ITGA4: variants seen among roughly 807,000 people sequenced by gnomAD.
The protein encoded by ITGA4 is integrin subunit alpha 4.
ITGA4 carries 63 observed loss-of-function variants against 133.6 expected under a neutral mutation model. That is an observed-to-expected ratio of 0.47 (90% CI 0.38 to 0.58). ITGA4 has a LOEUF of 0.58. Among genes scored for constraint, ITGA4 ranks in the 20% least tolerant of loss-of-function variants. The pLI is 0.00. For synonymous variants in ITGA4, 483 were observed against 438.0 expected (o/e 1.10, Z -1.28); for missense variants, 1,076 against 1,252.7 (o/e 0.86, Z 2.13).
chr2:181,503,499 C>T (rs948583623), intron 15 of ITGA4, among the ~76,000 whole-genome samples: 2 of 149,544 alleles, frequency 1.3e-5, no homozygotes, highest in Admixed American at 6.7e-5. Context: ...GAGTATCACA[C>T]AGGATTACTT....
Position 181,525,332 on chromosome 2 carries a change from T to C in ITGA4, c.2339+41T>C, listed in dbSNP as rs764796446. 5 of 1,071,888 alleles carry C rather than the reference T, an allele frequency of 4.7e-6. No individual in the cohort carries two copies. In the African/African-American group the frequency reaches 7.9e-5, roughly 17 times the overall value. The allele number at this position is 1,071,888 out of a possible 1,614,324, so 66.4% of individuals were successfully genotyped here. A position where few individuals can be genotyped will look rare whatever the true frequency, so the allele number is the denominator to read the frequency against. ...GGCTTCCTTTCAAATTTAGAGCTGA[T>C]TTACAGTTTCCTTGCTTCTTACATT... is the stretch of plus-strand genomic sequence containing the variant. On this transcript the variant is annotated intron_variant, in intron 21 of 27. Transcript: ENST00000397033.
At chr2:181,459,056 A>G (rs1685204545) in intron 2 of ITGA4, 1 of 152,304 alleles carries the variant, frequency 6.6e-6, no homozygotes, top group Non-Finnish European at 1.5e-5. Context: ...ATATTAAATA[A>G]CAAGACCTAT....
rs998410004 is a variant in ITGA4, at chr2:181,537,375, C to T, written c.*1848C>T. 20 of 453,804 alleles carry T rather than the reference C, an allele frequency of 4.4e-5. No homozygotes were observed. The Admixed American group carries it at 4.7e-4, about 11-fold the overall frequency. The allele number at this position is 453,804 out of a possible 1,614,324, so 28.1% of individuals were successfully genotyped here. On this transcript the variant is annotated 3_prime_UTR_variant, in exon 28 of 28. Coordinates refer to ENST00000397033, the MANE Select transcript of ITGA4 (RefSeq NM_000885.6). Reference sequence around the variant, plus strand: ...CTCAGATACAAGGGGAACACAATTACATATTGGGCTAGATTTTGCCCAGTT... The same window carrying T: ...CTCAGATACAAGGGGAACACAATTATATATTGGGCTAGATTTTGCCCAGTT...
intron 4 of ITGA4, among the ~76,000 whole-genome samples, chr2:181,477,649 C>T (rs976022496): frequency 1.3e-5 from 2 of 152,104 alleles, no homozygotes; most frequent in African/African-American, 2.4e-5. Context: ...TATGAAATAT[C>T]ACTTCACACC....
chr2:181,458,601 G>A (rs1685192105), intron 2 of ITGA4: 1 of 415,244 alleles, frequency 2.4e-6, no homozygotes, highest in South Asian at 2.6e-5. Flanking sequence ...CCGTCTCTCC[G>A]TGTGTAAAGC....
intron 9 of ITGA4, 107 bp downstream of exon 9, chr2:181,482,758 A>G (rs1574387755): frequency 9.6e-7 from 1 of 1,044,054 alleles, no homozygotes; most frequent in East Asian, 2.4e-5. Flanking sequence ...TTTTATTGAC[A>G]AAAGTTAAAA....
At chr2:181,471,487 C>T (rs1385254436) in intron 2 of ITGA4, among the ~76,000 whole-genome samples, 3 of 152,154 alleles carry the variant, frequency 2.0e-5, no homozygotes, top group South Asian at 2.1e-4. Flanking sequence ...TCTGAGTGAT[C>T]GCATCCTGTG....
rs538208494 is a variant in ITGA4 at position 181,526,821 on chromosome 2, C to CTTTTTTTTTTTTTTTTTTTTT, written c.2340-464_2340-444dup. ...TGTCACCCAGGTCAGAGCACATGGC[C>CTTTTTTTTTTTTTTTTTTTTT]TTTTTTTTTTTTTTTTTTTTTTTTT... On this transcript the variant is annotated intron_variant, in intron 21 of 27. Coordinates refer to ENST00000397033, the MANE Select transcript of ITGA4 (RefSeq NM_000885.6). Among the ~76,000 whole-genome samples the CTTTTTTTTTTTTTTTTTTTTT allele has an allele frequency of 5.1e-4, 21 of 40,998 alleles. 6 individuals carry two copies. The highest frequency in any genetic ancestry group is 3.2e-3 in the South Asian group (2 of 628). The allele number at this position is 40,998 out of a possible 152,430, so 26.9% of individuals were successfully genotyped here.
At chr2:181,489,988 T>A (rs985623132) in intron 10 of ITGA4, among the ~76,000 whole-genome samples, 1 of 152,038 alleles carries the variant, frequency 6.6e-6, no homozygotes, top group African/African-American at 2.4e-5. Context: ...GGCTCACAAC[T>A]CTAAGGGGGT....
chr2:181,535,544 G>T lies in ITGA4; in HGVS notation c.*17G>T. 6.3e-7 allele frequency: 1 copy of T among 1,585,012 alleles called. No homozygotes were observed. On this transcript the variant is annotated 3_prime_UTR_variant, in exon 28 of 28. Transcript: ENST00000397033. ...GATGATTAAGGACTTCTTTCAAATT[G>T]AGAGAATGGAAAACAGACTCAGGTT...
upstream of ITGA4, chr2:181,457,318 C>A (rs886989616): frequency 1.5e-5 from 4 of 261,784 alleles, no homozygotes; most frequent in Admixed American, 2.4e-4. Context: ...CGCGCGTAGG[C>A]AGAGACGGAG....
At chr2:181,512,022 A>C (rs970389193) in intron 17 of ITGA4, among the ~76,000 whole-genome samples, 1 of 152,122 alleles carries the variant, frequency 6.6e-6, no homozygotes, top group Non-Finnish European at 1.5e-5. Flanking sequence ...AATTCATAGA[A>C]GGGGAAACAG....
At chr2:181,477,019 G>A (rs1013698227) in intron 4 of ITGA4, among the ~76,000 whole-genome samples, 36 of 152,052 alleles carry the variant, frequency 2.4e-4, no homozygotes, top group African/African-American at 8.0e-4. Context: ...CTACCTATCA[G>A]GTACTATGCC....
chr2:181,504,392 G>A (rs1226410450), intron 15 of ITGA4, among the ~76,000 whole-genome samples: 4 of 151,938 alleles, frequency 2.6e-5, no homozygotes, highest in African/African-American at 4.8e-5. Context: ...TCAGGAAAAC[G>A]TGTATTTGAT....
At chr2:181,513,176 C>T (rs1471553129) in intron 17 of ITGA4, among the ~76,000 whole-genome samples, 2 of 152,058 alleles carry the variant, frequency 1.3e-5, no homozygotes, top group Admixed American at 6.6e-5. Flanking sequence ...TCAGCCCTTT[C>T]TCTCACTACC....
chr2:181,480,295 A>G (rs368756494), intron 6 of ITGA4, 29 bp downstream of exon 6: 37 of 1,265,476 alleles, frequency 2.9e-5, no homozygotes, highest in Non-Finnish European at 3.9e-5. Context: ...AACTTAAATG[A>G]TCTGTGCCTT....
At chr2:181,499,062 CT>C in intron 15 of ITGA4, 1 of 176,090 alleles carries the variant, frequency 5.7e-6, no homozygotes, top group Non-Finnish European at 1.1e-5. Flanking sequence ...CCCTCTTTAT[CT>C]ACTTGCCTAG....
rs1160475899 is a variant in ITGA4 at position 181,538,408 on chromosome 2, TCAA to T, written c.*2888_*2890del. Among the ~76,000 whole-genome samples, 4 of 152,134 alleles carry T rather than the reference TCAA, an allele frequency of 2.6e-5. No homozygotes were observed. Among genetic ancestry groups the T allele is most frequent in the East Asian group, 3.8e-4 (2 of 5,198 alleles). On this transcript the variant is annotated 3_prime_UTR_variant, in exon 28 of 28. Coordinates refer to ENST00000397033, the MANE Select transcript of ITGA4 (RefSeq NM_000885.6). ...CTGAGAAGGTCTGATTGATAAATCA[TCAA>T]CAACAATAATTGCTCTAAAACCTCC... is the stretch of plus-strand genomic sequence containing the variant.
At chr2:181,533,132 G>A (rs190558850) in intron 25 of ITGA4, among the ~76,000 whole-genome samples, 43 of 152,260 alleles carry the variant, frequency 2.8e-4, no homozygotes, top group Admixed American at 2.8e-3. Flanking sequence ...GGAGTAGTTT[G>A]AGATGAAACT....
Sources: gnomAD v4.1 joint callset for allele counts (sites outside exome capture counted in the v4.1 genomes callset) on GRCh38, gnomAD v4.1.1 for gene constraint, MANE v1.5 for transcripts, NCBI Gene and HGNC (gene_info 2026-07-23, HGNC 2026-07-21) for gene names.